Variants in VTA1 observed in about 807,000 individuals in gnomAD.
VTA1 encodes vacuolar protein sorting-associated protein VTA1 homolog.
In VTA1, 24 loss-of-function variants were observed where a neutral mutation model predicts 36.9. The ratio of observed to expected loss-of-function variants is 0.65; its 90% CI spans 0.47 to 0.91. The LOEUF is 0.91. Among genes scored for constraint, VTA1 ranks in the 40% least tolerant of loss-of-function variants. The pLI is 0.00. For missense variants in VTA1, 393 were observed against 377.2 expected, an observed-to-expected ratio of 1.04 and a Z score of -0.35; for synonymous variants, 142 against 130.2, an observed-to-expected ratio of 1.09 and a Z score of -0.62.
At chr6:142,173,229 T>C (rs934579494) in intron 4 of VTA1, among the ~76,000 whole-genome samples, 1 of 152,192 alleles carries the variant, frequency 6.6e-6, no homozygotes, top group Non-Finnish European at 1.5e-5. Context: ...GTGGATTGTT[T>C]TGAATGAGAG....
intron 1 of VTA1, among the ~76,000 whole-genome samples, chr6:142,161,290 G>A (rs976806936): frequency 2.6e-5 from 4 of 152,016 alleles, no homozygotes; most frequent in African/African-American, 9.7e-5. Context: ...TTGCTTTTGT[G>A]TATCAATATG....
intron 4 of VTA1, among the ~76,000 whole-genome samples, chr6:142,188,968 C>G (rs1256501811): frequency 1.3e-5 from 2 of 152,200 alleles, no homozygotes; most frequent in African/African-American, 4.8e-5. Context: ...GCCTATCAGT[C>G]TAGCATTTGC....
chr6:142,170,223 T>C, intron 3 of VTA1, 123 bp from the exon 4 acceptor site: 1 of 689,336 alleles, frequency 1.5e-6, no homozygotes, highest in South Asian at 1.8e-5. Context: ...TCTAATTTTA[T>C]TTAAAACATG....
intron 7 of VTA1, among the ~76,000 whole-genome samples, chr6:142,210,469 A>G (rs995575547): frequency 6.6e-6 from 1 of 152,228 alleles, no homozygotes; most frequent in African/African-American, 2.4e-5. Flanking sequence ...GGCGAAGGAA[A>G]AAATCAACAA....
chr6:142,184,850 C>T (rs1341574915), intron 4 of VTA1, among the ~76,000 whole-genome samples: 3 of 152,046 alleles, frequency 2.0e-5, no homozygotes, highest in Non-Finnish European at 4.4e-5. Flanking sequence ...TTGATGAAGA[C>T]CAAGTAGAGG....
rs9496287 is a variant in VTA1 at position 142,160,621 on chromosome 6, C to T, written c.113-5607C>T. On this transcript the variant is annotated intron_variant, in intron 1 of 7. Coordinates refer to ENST00000367630, the MANE Select transcript of VTA1 (RefSeq NM_016485.5). ...TGGGCCTTAGTTTGGCGTGTGCCTC[C>T]GGGCAGAATGCTGGGCTGATCATTG... Among the ~76,000 whole-genome samples the T allele has an allele frequency of 5.3e-4, 80 of 152,176 alleles. 1 individual carries two copies. Among genetic ancestry groups the T allele is most frequent in the African/African-American group, 7.5e-4 (31 of 41,510 alleles).
At chr6:142,181,455 TTATATA>T (rs10545343) in intron 4 of VTA1, among the ~76,000 whole-genome samples, 1 of 143,652 alleles carries the variant, frequency 7.0e-6, no homozygotes, top group Non-Finnish European at 1.5e-5. Context: ...TTTTTATATT[TTATATA>T]TATATATATA....
At chr6:142,201,055 G>A (rs1175891235) in intron 6 of VTA1, among the ~76,000 whole-genome samples, 1 of 151,830 alleles carries the variant, frequency 6.6e-6, no homozygotes, top group Non-Finnish European at 1.5e-5. Flanking sequence ...TTTTAGCCAT[G>A]TGCCTTCTAT....
At chr6:142,180,746 A>G (rs1775210604) in intron 4 of VTA1, among the ~76,000 whole-genome samples, 1 of 152,130 alleles carries the variant, frequency 6.6e-6, no homozygotes. Flanking sequence ...AAAGACAAAC[A>G]TCGCTTCAGT....
chr6:142,184,516 A>G (rs751685531), intron 4 of VTA1, among the ~76,000 whole-genome samples: 1 of 150,420 alleles, frequency 6.6e-6, no homozygotes, highest in Non-Finnish European at 1.5e-5. Context: ...AGCACTTAGC[A>G]TAGTACCTGA....
chr6:142,175,814 A>G (rs568062630), intron 4 of VTA1, among the ~76,000 whole-genome samples: 5 of 151,942 alleles, frequency 3.3e-5, no homozygotes, highest in Non-Finnish European at 7.4e-5. Context: ...ACTCACTTGT[A>G]TAAAACTAAA....
chr6:142,166,906 A>G lies in VTA1; in HGVS notation c.207+584A>G, dbSNP rs541806676. Among the ~76,000 whole-genome samples, 6 of 152,268 alleles carry G rather than the reference A, an allele frequency of 3.9e-5. No individual in the cohort carries two copies. In the East Asian group the frequency reaches 1.2e-3, roughly 29 times the overall value. On this transcript the variant is annotated intron_variant, in intron 2 of 7. Transcript: ENST00000367630. The stretch of plus-strand genomic sequence containing the variant: ...CTCCCAAAGTGCTGGGATTACAGGC[A>G]TGAGCCACCATGCCCAGCCGTGAAA...
At chr6:142,181,116 T>TATATATACAC (rs753996612) in intron 4 of VTA1, among the ~76,000 whole-genome samples, 29 of 87,062 alleles carry the variant, frequency 3.3e-4, no homozygotes, top group African/African-American at 9.7e-4. Context: ...TATATATATA[T>TATATATACAC]ACACACACAC....
intron 7 of VTA1, among the ~76,000 whole-genome samples, chr6:142,205,828 A>G (rs1009406328): frequency 3.3e-5 from 5 of 152,138 alleles, no homozygotes; most frequent in Non-Finnish European, 5.9e-5. Flanking sequence ...TAAAACATCT[A>G]ATTTTGATAT....
chr6:142,219,234 A>C lies in VTA1; in HGVS notation c.*591A>C, dbSNP rs879210504. The C allele has an allele frequency of 6.6e-6, 1 of 152,216 alleles. No individual in the cohort carries two copies. The highest frequency in any genetic ancestry group is 1.5e-5 in the Non-Finnish European group (1 of 68,030). The allele number at this position is 152,216 out of a possible 1,614,324, so 9.4% of individuals were successfully genotyped here. A position where few individuals can be genotyped will look rare whatever the true frequency, so the allele number is the denominator to read the frequency against. On this transcript the variant is annotated 3_prime_UTR_variant, in exon 8 of 8. Transcript: ENST00000367630. ...AAAATTTCATGGGAGAAAATATAAT[A>C]AGGTAAAGAGGTAGAATCACTTTCA... is the stretch of plus-strand genomic sequence containing the variant.
chr6:142,198,119 ATGTGTGTGTGTGTGTG>A lies in VTA1; in HGVS notation c.521-290_521-275del, dbSNP rs71021658. Among the ~76,000 whole-genome samples, 191 of 98,252 alleles carry A rather than the reference ATGTGTGTGTGTGTGTG, an allele frequency of 1.9e-3. 2 individuals are homozygous for A. In the Middle Eastern group the frequency reaches 0.025, roughly 13 times the overall value. 64.5% of individuals were successfully genotyped at this position (98,252 alleles called of 152,430 possible). A position where few individuals can be genotyped will look rare whatever the true frequency, so the allele number is the denominator to read the frequency against. ...CTCAAAAAAAAATATATATATATAT[ATGTGTGTGTGTGTGTG>A]TGTGTGTGTGTGTGTGTGTGTGTGT... On this transcript the variant is annotated intron_variant, in intron 5 of 7. Transcript: ENST00000367630.
At position 142,221,447 on chromosome 6, in the gene VTA1, AAGC is replaced by A. The variant is rs1376088035; in HGVS notation, c.*2807_*2809del. On this transcript the variant is annotated 3_prime_UTR_variant, in exon 8 of 8. Transcript: ENST00000367630. ...AGACAGAAATCAGGTCAGAGGGTAA[AAGC>A]AGGAGAAAGGCTGGTGAGGGAGCTA... The A allele has an allele frequency of 6.6e-6, 1 of 152,220 alleles. No individual in the cohort carries two copies. Among genetic ancestry groups the A allele is most frequent in the African/African-American group, 2.4e-5 (1 of 41,440 alleles). The allele number at this position is 152,220 out of a possible 1,614,324, so 9.4% of individuals were successfully genotyped here.
intron 4 of VTA1, 43 bp from the exon 5 acceptor site, chr6:142,189,383 C>A (rs1400881120): frequency 6.8e-7 from 1 of 1,477,640 alleles, no homozygotes; most frequent in Non-Finnish European, 9.4e-7. Context: ...CTTTTTACTT[C>A]TTTACCATAG....
At chr6:142,176,594 G>A (rs562949288) in intron 4 of VTA1, among the ~76,000 whole-genome samples, 1 of 148,532 alleles carries the variant, frequency 6.7e-6, no homozygotes, top group Non-Finnish European at 1.5e-5. Context: ...TGTGATAAAG[G>A]TTCAGCCTTT....
Sources: allele counts gnomAD v4.1 joint callset (sites outside exome capture counted in the v4.1 genomes callset), GRCh38; gene constraint gnomAD v4.1.1; transcripts MANE v1.5; gene names NCBI Gene and HGNC (gene_info 2026-07-23, HGNC 2026-07-21).